Variants in RBFOX1 observed in about 807,000 individuals in gnomAD.
RBFOX1 encodes the protein RNA binding fox-1 homolog 1, also known as RNA binding protein fox-1 homolog 1.
A neutral mutation model predicts 57.7 loss-of-function variants in RBFOX1; 8 were observed. The ratio of observed to expected loss-of-function variants is 0.14; its 90% CI spans 0.08 to 0.25. RBFOX1 has a LOEUF of 0.25. Ranked by LOEUF, RBFOX1 falls within the 10% of genes least tolerant of loss-of-function variation. RBFOX1 has a pLI of 1.00. For missense variants in RBFOX1, 611 were observed against 548.5 expected (o/e 1.11, Z -1.14); for synonymous variants, 326 against 222.4 (o/e 1.47, Z -4.15).
At chr16:6,969,503 C>T (rs546332290) in intron 3 of RBFOX1, among the ~76,000 whole-genome samples, 4 of 151,746 alleles carry the variant, frequency 2.6e-5, no homozygotes, top group Non-Finnish European at 5.9e-5. Context: ...AGGAGGCCAA[C>T]GTAGGTGGAT....
At chr16:5,810,259 G>A (rs2055373341) in intron 3 of RBFOX1, among the ~76,000 whole-genome samples, 1 of 151,886 alleles carries the variant, frequency 6.6e-6, no homozygotes, top group African/African-American at 2.4e-5. Flanking sequence ...ACACCAGAAT[G>A]GCACATGTAT....
chr16:6,304,382 C>G (rs1266111736), intron 1 of RBFOX1, among the ~76,000 whole-genome samples: 4 of 152,104 alleles, frequency 2.6e-5, no homozygotes, highest in South Asian at 2.1e-4. Context: ...GCATTGCAGC[C>G]TCTTGTGAGC....
At chr16:7,281,840 C>T (rs1157226055) in intron 4 of RBFOX1, among the ~76,000 whole-genome samples, 1 of 152,012 alleles carries the variant, frequency 6.6e-6, no homozygotes, top group South Asian at 2.1e-4. Flanking sequence ...TCCCTGCCTT[C>T]CTTTCTTTTC....
intron 3 of RBFOX1, among the ~76,000 whole-genome samples, chr16:7,007,304 C>T (rs1401293379): frequency 1.1e-4 from 17 of 152,152 alleles, no homozygotes; most frequent in Admixed American, 3.3e-4. Flanking sequence ...AGCAATGGTA[C>T]GAATGCATCT....
chr16:5,962,618 G>A (rs1011156135), intron 4 of RBFOX1, among the ~76,000 whole-genome samples: 1 of 152,052 alleles, frequency 6.6e-6, no homozygotes, highest in Non-Finnish European at 1.5e-5. Flanking sequence ...TTCATTCACT[G>A]AGCAAATGTT....
At chr16:6,052,457 G>A (rs1379728132) in intron 1 of RBFOX1, among the ~76,000 whole-genome samples, 1 of 152,020 alleles carries the variant, frequency 6.6e-6, no homozygotes, top group Non-Finnish European at 1.5e-5. Context: ...TATACGCCTT[G>A]GTATCCTAAT....
intron 3 of RBFOX1, among the ~76,000 whole-genome samples, chr16:5,842,580 A>G (rs1280063024): frequency 6.6e-6 from 1 of 152,158 alleles, no homozygotes; most frequent in African/African-American, 2.4e-5. Flanking sequence ...AACATTTTTC[A>G]AGGCAAGTGT....
intron 3 of RBFOX1, among the ~76,000 whole-genome samples, chr16:5,851,058 C>T (rs925290076): frequency 6.6e-6 from 1 of 152,190 alleles, no homozygotes; most frequent in South Asian, 2.1e-4. Flanking sequence ...ACCCCCCAAA[C>T]GCACTTCCCC....
intron 3 of RBFOX1, among the ~76,000 whole-genome samples, chr16:7,046,677 C>T (rs1050628789): frequency 7.0e-6 from 1 of 143,630 alleles, no homozygotes; most frequent in Non-Finnish European, 1.5e-5. Flanking sequence ...ATGATCTCGG[C>T]TCACTGCAAC....
chr16:5,812,798 T>C (rs2055481374), intron 3 of RBFOX1, among the ~76,000 whole-genome samples: 1 of 152,138 alleles, frequency 6.6e-6, no homozygotes, highest in African/African-American at 2.4e-5. Context: ...CTTACAGGTA[T>C]ATACGGGTAT....
chr16:5,424,659 CG>C (rs1363531671), intron 1 of RBFOX1, among the ~76,000 whole-genome samples: 2 of 151,960 alleles, frequency 1.3e-5, no homozygotes, highest in Non-Finnish European at 2.9e-5. Flanking sequence ...ACATCCTGCA[CG>C]TGTATCCTGG....
At chr16:6,015,979 C>A (rs143619826), upstream of RBFOX1, among the ~76,000 whole-genome samples, 2 of 152,322 alleles carry the variant, frequency 1.3e-5, no homozygotes, top group East Asian at 3.9e-4. Context: ...ACTGAAAGAA[C>A]AAAGGACTAC....
At chr16:5,846,897 C>T (rs2056771144) in intron 3 of RBFOX1, among the ~76,000 whole-genome samples, 1 of 152,174 alleles carries the variant, frequency 6.6e-6, no homozygotes, top group Non-Finnish European at 1.5e-5. Context: ...CCCAGCCATG[C>T]ACATAAACCG....
At chr16:6,685,495 C>T (rs79059828) in intron 3 of RBFOX1, among the ~76,000 whole-genome samples, 1 of 141,116 alleles carries the variant, frequency 7.1e-6, no homozygotes, top group Non-Finnish European at 1.5e-5. Context: ...GCCGTGTTCG[C>T]CAGGCTGCTG....
chr16:7,354,262 T>C (rs2097176579), intron 4 of RBFOX1, among the ~76,000 whole-genome samples: 1 of 152,206 alleles, frequency 6.6e-6, no homozygotes, highest in South Asian at 2.1e-4. Context: ...TGAGCCACCA[T>C]GCTTGGCCCG....
intron 3 of RBFOX1, among the ~76,000 whole-genome samples, chr16:6,718,989 A>T (rs1313481673): frequency 1.3e-5 from 2 of 151,964 alleles, no homozygotes; most frequent in Non-Finnish European, 2.9e-5. Context: ...CAGCTTCCCA[A>T]GTAGCTTCTG....
intron 2 of RBFOX1, among the ~76,000 whole-genome samples, chr16:6,371,794 G>T (rs375679510): frequency 8.5e-5 from 13 of 152,102 alleles, no homozygotes; most frequent in African/African-American, 2.9e-4. Flanking sequence ...TCAAAGCCAA[G>T]AATTTGTTAA....
chr16:5,431,359 T>C (rs551792890), intron 1 of RBFOX1, among the ~76,000 whole-genome samples: 92 of 152,332 alleles, frequency 6.0e-4, no homozygotes, highest in African/African-American at 2.0e-3. Context: ...ACAGTAATTC[T>C]AAGCTGGCTT....
intron 4 of RBFOX1, among the ~76,000 whole-genome samples, chr16:5,920,725 C>T (rs1324470015): frequency 2.0e-5 from 3 of 152,192 alleles, no homozygotes; most frequent in Non-Finnish European, 4.4e-5. Flanking sequence ...CGTCCCTAGA[C>T]AATGATGTCG....
Sources: allele counts gnomAD v4.1 joint callset (sites outside exome capture counted in the v4.1 genomes callset), GRCh38; gene constraint gnomAD v4.1.1; transcripts MANE v1.5; gene names NCBI Gene and HGNC (gene_info 2026-07-23, HGNC 2026-07-21).